PTPRD: variants seen among roughly 807,000 people sequenced by gnomAD.
The protein encoded by PTPRD is protein tyrosine phosphatase receptor type D.
In PTPRD, 34 loss-of-function variants were observed where a neutral mutation model predicts 214.5. The ratio of observed to expected loss-of-function variants is 0.16; its 90% confidence interval spans 0.12 to 0.21. The LOEUF (loss-of-function observed/expected upper bound fraction) is 0.21. Ranked by LOEUF, PTPRD falls within the 10% of genes least tolerant of loss-of-function variation. The pLI is 1.00. For synonymous variants in PTPRD, 1,128 were observed against 845.7 expected (o/e 1.33, Z -5.79); for missense variants, 2,545 against 2,398.7 (o/e 1.06, Z -1.27).
intron 10 of PTPRD, among the ~76,000 whole-genome samples, chr9:9,021,527 T>A (rs555634806): frequency 1.3e-5 from 2 of 152,264 alleles, no homozygotes; most frequent in African/African-American, 4.8e-5. Context: ...ATGTCATTAT[T>A]TTAGAGTGTA....
At chr9:9,620,237 T>G (rs906817516) in intron 7 of PTPRD, among the ~76,000 whole-genome samples, 1 of 152,076 alleles carries the variant, frequency 6.6e-6, no homozygotes, top group Admixed American at 6.6e-5. Flanking sequence ...GAAAGAAAAG[T>G]GCACACATTT....
chr9:9,868,062 T>C (rs763593691), intron 5 of PTPRD, among the ~76,000 whole-genome samples: 13 of 152,132 alleles, frequency 8.5e-5, no homozygotes, highest in Non-Finnish European at 1.8e-4. Context: ...TGGACCAACC[T>C]GATTGATGGT....
chr9:9,829,946 G>C (rs1251755883), intron 5 of PTPRD, among the ~76,000 whole-genome samples: 1 of 151,650 alleles, frequency 6.6e-6, no homozygotes, highest in Non-Finnish European at 1.5e-5. Flanking sequence ...TTTTTACTGA[G>C]TGCTTACAAT....
intron 11 of PTPRD, among the ~76,000 whole-genome samples, chr9:8,775,298 G>A (rs2095425902): frequency 6.6e-6 from 1 of 152,072 alleles, no homozygotes; most frequent in African/African-American, 2.4e-5. Flanking sequence ...AAGACCTGGG[G>A]CAACATTTAA....
chr9:9,610,024 C>T (rs2094434812), intron 7 of PTPRD, among the ~76,000 whole-genome samples: 1 of 152,162 alleles, frequency 6.6e-6, no homozygotes, highest in Non-Finnish European at 1.5e-5. Context: ...TCTTTCCAGC[C>T]TTCTCCTCTC....
intron 7 of PTPRD, among the ~76,000 whole-genome samples, chr9:9,605,209 C>G (rs749765636): frequency 6.6e-6 from 1 of 152,070 alleles, no homozygotes; most frequent in Admixed American, 6.6e-5. Flanking sequence ...TAATACAATA[C>G]TTTTCACAGT....
At chr9:10,310,289 T>C (rs1445571604) in intron 3 of PTPRD, among the ~76,000 whole-genome samples, 1 of 152,086 alleles carries the variant, frequency 6.6e-6, no homozygotes, top group East Asian at 1.9e-4. Flanking sequence ...TGTTCATTAA[T>C]GTACATAGCA....
intron 7 of PTPRD, among the ~76,000 whole-genome samples, chr9:9,619,216 T>A (rs2095086105): frequency 6.6e-6 from 1 of 151,958 alleles, no homozygotes; most frequent in Non-Finnish European, 1.5e-5. Flanking sequence ...ACAGCTATAG[T>A]CAAGGAGGGT....
chr9:9,376,132 T>C (rs1278543091), intron 9 of PTPRD, among the ~76,000 whole-genome samples: 3 of 152,174 alleles, frequency 2.0e-5, no homozygotes, highest in Non-Finnish European at 4.4e-5. Flanking sequence ...TTGATTATGT[T>C]ACGTATTTCA....
At chr9:8,663,513 G>T (rs2097107985) in intron 12 of PTPRD, among the ~76,000 whole-genome samples, 1 of 151,930 alleles carries the variant, frequency 6.6e-6, no homozygotes, top group Non-Finnish European at 1.5e-5. Flanking sequence ...TTTATTGGGA[G>T]GCAGTCTCAC....
intron 11 of PTPRD, among the ~76,000 whole-genome samples, chr9:8,992,686 T>C (rs558199709): frequency 3.9e-5 from 6 of 152,308 alleles, no homozygotes; most frequent in African/African-American, 1.4e-4. Flanking sequence ...CTCAAGAGCC[T>C]ACACCTTTCA....
chr9:9,292,747 T>A (rs930538201), intron 9 of PTPRD, among the ~76,000 whole-genome samples: 1 of 151,494 alleles, frequency 6.6e-6, no homozygotes, highest in Non-Finnish European at 1.5e-5. Context: ...GCTGCGACAG[T>A]TTCTTAGACT....
chr9:10,089,897 T>C (rs12551049), intron 3 of PTPRD, among the ~76,000 whole-genome samples: 5,483 of 151,690 alleles, frequency 0.036, 172 homozygotes, highest in Admixed American at 0.091. Flanking sequence ...CTGATTCAAA[T>C]GTATGATGTA....
intron 5 of PTPRD, among the ~76,000 whole-genome samples, chr9:9,919,683 G>C (rs918683017): frequency 6.6e-6 from 1 of 152,144 alleles, no homozygotes; most frequent in Admixed American, 6.6e-5. Flanking sequence ...CATTTTAAAA[G>C]TTGGGAGTTC....
intron 3 of PTPRD, among the ~76,000 whole-genome samples, chr9:10,142,824 A>C (rs7389768): frequency 0.066 from 9,579 of 144,846 alleles, 352 homozygotes; most frequent in Admixed American, 0.11. Flanking sequence ...ACACATGCAC[A>C]CGTATGTTTA....
intron 9 of PTPRD, among the ~76,000 whole-genome samples, chr9:9,217,603 G>A (rs192142467): frequency 6.6e-6 from 1 of 152,204 alleles, no homozygotes; most frequent in East Asian, 1.9e-4. Flanking sequence ...ACACAAACTT[G>A]AGCATATTAT....
In PTPRD at chr9:9,105,495, C is replaced by T. The variant is rs375238591; in HGVS notation, c.-143+77809G>A. Among the ~76,000 whole-genome samples, 13 of 152,300 alleles carry T rather than the reference C, an allele frequency of 8.5e-5. No homozygotes were observed. The South Asian group carries it at 2.7e-3, about 32-fold the overall frequency. On this transcript the variant is annotated intron_variant, in intron 10 of 45. Coordinates refer to ENST00000381196, the MANE Select transcript of PTPRD (RefSeq NM_002839.4). ...TCCCTTTAAAAAATTTTCTGCTGAT[C>T]TGAAGTAAAAACACAACTACCTCAG...
At chr9:10,308,626 A>T (rs2096167824) in intron 3 of PTPRD, among the ~76,000 whole-genome samples, 1 of 152,018 alleles carries the variant, frequency 6.6e-6, no homozygotes, top group African/African-American at 2.4e-5. Context: ...TACAGTTTGC[A>T]TTGAATATTT....
chr9:9,239,467 C>G (rs930484117), intron 9 of PTPRD, among the ~76,000 whole-genome samples: 3 of 151,994 alleles, frequency 2.0e-5, no homozygotes, highest in Non-Finnish European at 2.9e-5. Context: ...AGAGCAGAAC[C>G]AATTACTTGG....
Sources: allele counts gnomAD v4.1 joint callset (sites outside exome capture counted in the v4.1 genomes callset), GRCh38; gene constraint gnomAD v4.1.1; transcripts MANE v1.5; gene names NCBI Gene and HGNC (gene_info 2026-07-23, HGNC 2026-07-21).